RIPOR1: variants seen among roughly 807,000 people sequenced by gnomAD.
The protein encoded by RIPOR1 is rho family-interacting cell polarization regulator 1.
RIPOR1 carries 58 observed loss-of-function variants against 116.5 expected under a neutral mutation model. The observed-to-expected ratio is 0.50, with a 90% CI of 0.40 to 0.62. The LOEUF is 0.62. Among genes scored for constraint, RIPOR1 ranks in the 20% least tolerant of loss-of-function variants. The pLI is 0.00. For synonymous variants in RIPOR1, 605 were observed against 650.0 expected (o/e 0.93, Z 1.05); for missense variants, 1,372 against 1,586.2 (o/e 0.86, Z 2.29).
chr16:67,522,313 C>T lies in RIPOR1; in HGVS notation c.-24+3700C>T, dbSNP rs1443590435. 2.0e-5 allele frequency among the ~76,000 whole-genome samples: 3 copies of T among 150,698 alleles called. No individual in the cohort carries two copies. In the East Asian group the frequency reaches 5.9e-4, roughly 29 times the overall value. ...CGCCTCCCAGGTTCCAGCAATTCTC[C>T]TGCCTCAGCCTCCCGAGTAGCTGGG... On this transcript the variant is annotated intron_variant, in intron 1 of 1. Coordinates refer to the RIPOR1 transcript ENST00000562116.
At chr16:67,539,508 G>C in intron 4 of RIPOR1, 7 of 619,632 alleles carry the variant, frequency 1.1e-5, no homozygotes, top group Non-Finnish European at 1.7e-5. Flanking sequence ...TCCCAGGGAA[G>C]AGGTGGAAGG....
intron 1 of RIPOR1, among the ~76,000 whole-genome samples, chr16:67,523,323 C>T (rs960711455): frequency 1.3e-5 from 2 of 151,826 alleles, no homozygotes; most frequent in Non-Finnish European, 2.9e-5. Flanking sequence ...GTCAGGAGTT[C>T]GAGACCAGCC....
chr16:67,541,829 C>CT lies in RIPOR1; in HGVS notation c.1081-37dup. The CT allele has an allele frequency of 6.2e-7, 1 of 1,613,358 alleles. No individual in the cohort carries two copies. ...GGCCTCACCATCCCCCAGAGGCTCC[C>CT]TGGGGGTGGTTCTGAAATGCCCTCT... On this transcript the variant is annotated intron_variant, in intron 12 of 21. Coordinates refer to ENST00000042381, the MANE Select transcript of RIPOR1 (RefSeq NM_024519.4). The surrounding 1 kb of genome is among the most constrained non-coding windows in gnomAD (Gnocchi z 4.6).
rs967397231 is a variant in RIPOR1 at position 67,540,583 on chromosome 16, G to A, written c.680G>A (p.Cys227Tyr). The change falls in exon 10 of 22, where the codon TGC becomes TAC. Residue 227 changes from cysteine (C) to tyrosine (Y), a missense_variant. Cys to Tyr is a radical substitution (Grantham distance 194). Transcript: ENST00000042381. This position sits in a 1 kb window ranked among gnomAD's most constrained non-coding sequence, Gnocchi z 4.7. ...TCATCCTACCTGTTCCCCCAGATCT[G>A]CATGAAATATGGGCGTCAGCGCTGG... ...RLCVGDQYEI[C>Y]MKYGRQRWKL... 6.2e-6 allele frequency: 10 copies of A among 1,613,952 alleles called. No homozygotes were observed. Among genetic ancestry groups the A allele is most frequent in the Non-Finnish European group, 8.5e-6 (10 of 1,179,856 alleles).
In RIPOR1 at chr16:67,541,751, A is replaced by C; in HGVS notation, c.1049A>C (p.Asp350Ala). The change falls in exon 12 of 22, where the codon GAC (aspartate) becomes GCC (alanine). Residue 350 changes from aspartate to alanine, a missense_variant. By Grantham distance (126) the Asp-to-Ala change is moderately radical. Around this residue, in one of 3 missense-constraint regions of RIPOR1, gnomAD observed 1,005 missense variants for 1,144.7 expected, o/e 0.88. Transcript: ENST00000042381. This position sits in a 1 kb window ranked among gnomAD's most constrained non-coding sequence, Gnocchi z 4.6. ...RFSTYSQSPP[D>A]TPSLREQAFY... ...TCCACCTATAGCCAGAGCCCACCGGACACACCCTCACTTCGGGAACAGGCT... is the reference window on the plus strand; with the variant it reads ...TCCACCTATAGCCAGAGCCCACCGGCCACACCCTCACTTCGGGAACAGGCT... 2.5e-6 allele frequency: 4 copies of C among 1,614,026 alleles called. No individual in the cohort carries two copies. The highest frequency in any genetic ancestry group is 3.4e-6 in the Non-Finnish European group (4 of 1,179,974).
Position 67,539,534 on chromosome 16 carries a change from G to A in RIPOR1, c.337-194G>A, listed in dbSNP as rs1410261404. On this transcript the variant is annotated intron_variant, in intron 4 of 21. Coordinates refer to ENST00000042381, the MANE Select transcript of RIPOR1 (RefSeq NM_024519.4). ...AGGTGGAAGGAGGGGTCCTGGAGGGGGCTGAAGGGACCAGATCTGTGCTAC... is the reference window on the plus strand; with the variant it reads ...AGGTGGAAGGAGGGGTCCTGGAGGGAGCTGAAGGGACCAGATCTGTGCTAC... 10 of 705,818 alleles carry A rather than the reference G, an allele frequency of 1.4e-5. 1 individual carries two copies. In the South Asian group the frequency reaches 1.7e-4, roughly 12 times the overall value. The allele number at this position is 705,818 out of a possible 1,614,324, so 43.7% of individuals were successfully genotyped here. A position where few individuals can be genotyped will look rare whatever the true frequency, so the allele number is the denominator to read the frequency against.
chr16:67,529,660 C>G lies in RIPOR1; in HGVS notation c.-24+746C>G. 8.6e-7 allele frequency: 1 copy of G among 1,162,466 alleles called. No individual in the cohort carries two copies. Among genetic ancestry groups the G allele is most frequent in the South Asian group, 1.5e-5 (1 of 67,350 alleles). 72.0% of individuals were successfully genotyped at this position (1,162,466 alleles called of 1,614,324 possible). A position where few individuals can be genotyped will look rare whatever the true frequency, so the allele number is the denominator to read the frequency against. ...AGGGTGAGCCCTGAGTCCGGCCTCCCCTACAGACCCTCCCCAGCCAGTTCT... is the reference window on the plus strand; with the variant it reads ...AGGGTGAGCCCTGAGTCCGGCCTCCGCTACAGACCCTCCCCAGCCAGTTCT... On this transcript the variant is annotated intron_variant, in intron 1 of 21. Coordinates refer to ENST00000042381, the MANE Select transcript of RIPOR1 (RefSeq NM_024519.4). This position sits in a 1 kb window ranked among gnomAD's most constrained non-coding sequence, Gnocchi z 4.1.
At position 67,546,213 on chromosome 16, in the gene RIPOR1, C is replaced by A. The variant is rs572611919; in HGVS notation, c.3544C>A (p.Gln1182Lys). 1.2e-5 allele frequency: 19 copies of A among 1,614,070 alleles called. No homozygotes were observed. In the African/African-American group the frequency reaches 2.4e-4, roughly 20 times the overall value. ...DTEAVREAAR[Q>K]SLQQCGEEGQ... ...AGAAGCTGTGAGGGAAGCTGCCCGG[C>A]AAAGCCTACAGCAGTGTGGTGAGGC... The change falls in exon 21 of 22, where the codon CAA becomes AAA. Residue 1182 changes from glutamine to lysine, a missense_variant. By Grantham distance (53) the Gln-to-Lys change is moderately conservative. This residue lies in a region of RIPOR1 where 1,005 missense variants were observed against 1,144.7 expected (regional missense o/e 0.88). Coordinates refer to ENST00000042381, the MANE Select transcript of RIPOR1 (RefSeq NM_024519.4).
rs1294475160 is a variant in RIPOR1, at chr16:67,545,289, T to A, written c.3032-87T>A. 2.6e-6 allele frequency: 4 copies of A among 1,551,756 alleles called. No individual in the cohort carries two copies. Among genetic ancestry groups the A allele is most frequent in the Non-Finnish European group, 3.5e-6 (4 of 1,146,272 alleles). On this transcript the variant is annotated intron_variant, in intron 17 of 21. Coordinates refer to ENST00000042381, the MANE Select transcript of RIPOR1 (RefSeq NM_024519.4). The surrounding 1 kb of genome is among the most constrained non-coding windows in gnomAD (Gnocchi z 4.8). ...GGGTGGGGTTTGAACAGGGGGCCCCTGGACCTGAGCCTGGGATAGGAGCAT... is the reference window on the plus strand; with the variant it reads ...GGGTGGGGTTTGAACAGGGGGCCCCAGGACCTGAGCCTGGGATAGGAGCAT...
rs1005695024 is a variant in RIPOR1 at position 67,530,966 on chromosome 16, G to A, written c.-24+2052G>A. Among the ~76,000 whole-genome samples the A allele has an allele frequency of 2.0e-5, 3 of 152,182 alleles. No homozygotes were observed. The highest frequency in any genetic ancestry group is 2.9e-5 in the Non-Finnish European group (2 of 67,990). On this transcript the variant is annotated intron_variant, in intron 1 of 21. Transcript: ENST00000042381. The surrounding 1 kb of genome is among the most constrained non-coding windows in gnomAD (Gnocchi z 4.5). ...GGGCAATCTTGCCCGCCCATCTCCC[G>A]AAGCGGTCACTCAGATGGACATTAT...
intron 1 of RIPOR1, among the ~76,000 whole-genome samples, chr16:67,519,841 C>A (rs2050478466): frequency 1.3e-5 from 2 of 151,998 alleles, no homozygotes; most frequent in African/African-American, 4.8e-5. Flanking sequence ...GCAGATGGAT[C>A]ACCTGAGGTC....
intron 1 of RIPOR1, among the ~76,000 whole-genome samples, chr16:67,533,986 T>C (rs1567564133): frequency 6.7e-6 from 1 of 148,776 alleles, no homozygotes; most frequent in East Asian, 1.9e-4. Flanking sequence ...TTTTTTTTTT[T>C]TTTTTTTTTT....
rs1261868734 is a variant in RIPOR1 at position 67,541,336 on chromosome 16, ATTT to A, written c.802-92_802-90del. On this transcript the variant is annotated intron_variant, in intron 10 of 21. Coordinates refer to ENST00000042381, the MANE Select transcript of RIPOR1 (RefSeq NM_024519.4). This position sits in a 1 kb window ranked among gnomAD's most constrained non-coding sequence, Gnocchi z 4.6. ...CCTCCTGCCTCAGCCTCCCATGACC[ATTT>A]TATAAGTTCTATGCAAATTCAGACC... 6.9e-7 allele frequency: 1 copy of A among 1,442,384 alleles called. No homozygotes were observed. Among genetic ancestry groups the A allele is most frequent in the African/African-American group, 1.4e-5 (1 of 69,008 alleles). The allele number at this position is 1,442,384 out of a possible 1,614,324, so 89.3% of individuals were successfully genotyped here. A position where few individuals can be genotyped will look rare whatever the true frequency, so the allele number is the denominator to read the frequency against.
upstream of RIPOR1, among the ~76,000 whole-genome samples, chr16:67,527,720 C>CA (rs1318333045): frequency 5.3e-5 from 8 of 152,058 alleles, no homozygotes; most frequent in Non-Finnish European, 8.8e-5. Context: ...ACCAAAAATA[C>CA]AAAAAATTAG....
In RIPOR1 at chr16:67,542,399, C is replaced by A. The variant is rs200225281; in HGVS notation, c.1613C>A (p.Pro538His). Residue 538 changes from proline to histidine, a missense_variant, in exon 13 of 22, where the codon CCT (proline) becomes CAT (histidine). Around this residue, in one of 3 missense-constraint regions of RIPOR1, gnomAD observed 1,005 missense variants for 1,144.7 expected, o/e 0.88. Transcript: ENST00000042381. The surrounding 1 kb of genome is among the most constrained non-coding windows in gnomAD (Gnocchi z 4.6). The part of the protein sequence containing the change: ...DSVHKSTDSG[P>H]SELPGPTHTT... Reference sequence around the variant, plus strand: ...GTTCATAAGTCCACAGACTCTGGCCCTTCAGAACTGCCAGGCCCCACTCAC... The same window carrying A: ...GTTCATAAGTCCACAGACTCTGGCCATTCAGAACTGCCAGGCCCCACTCAC... The A allele has an allele frequency of 6.8e-6, 11 of 1,613,962 alleles. No individual in the cohort carries two copies. In the East Asian group the frequency reaches 2.5e-4, roughly 36 times the overall value.
chr16:67,537,659 T>C lies in RIPOR1; in HGVS notation c.-23-765T>C. 8.3e-7 allele frequency: 1 copy of C among 1,201,046 alleles called. No homozygotes were observed. The highest frequency in any genetic ancestry group is 1.1e-6 in the Non-Finnish European group (1 of 917,338). 74.4% of individuals were successfully genotyped at this position (1,201,046 alleles called of 1,614,324 possible). A position where few individuals can be genotyped will look rare whatever the true frequency, so the allele number is the denominator to read the frequency against. Reference sequence around the variant, plus strand: ...TGGCCCCAGGGGAAGCAGGCCGGGTTTGGGGGCCAGGAGTGTGTGTTTCGC... The same window carrying C: ...TGGCCCCAGGGGAAGCAGGCCGGGTCTGGGGGCCAGGAGTGTGTGTTTCGC... On this transcript the variant is annotated intron_variant, in intron 1 of 21. Coordinates refer to ENST00000042381, the MANE Select transcript of RIPOR1 (RefSeq NM_024519.4). The surrounding 1 kb of genome is among the most constrained non-coding windows in gnomAD (Gnocchi z 4.6).
chr16:67,537,446 G>GA lies in RIPOR1; in HGVS notation c.-23-978_-23-977insA. On this transcript the variant is annotated intron_variant, in intron 1 of 21. Transcript: ENST00000042381. This position sits in a 1 kb window ranked among gnomAD's most constrained non-coding sequence, Gnocchi z 4.6. ...AGGCGGCAGGAACTGGGCGGGGGGC[G>GA]GCGCCGGGAGGAGCCGAAGCCGAGC... is the stretch of plus-strand genomic sequence containing the variant. 1 of 1,242,478 alleles carries GA rather than the reference G, an allele frequency of 8.0e-7. No homozygotes were observed. Among genetic ancestry groups the GA allele is most frequent in the South Asian group, 3.3e-5 (1 of 30,670 alleles). 77.0% of individuals were successfully genotyped at this position (1,242,478 alleles called of 1,614,324 possible).
In RIPOR1 at chr16:67,544,207, T is replaced by C; in HGVS notation, c.2601-92T>C. The C allele has an allele frequency of 6.7e-7, 1 of 1,484,750 alleles. No individual in the cohort carries two copies. Among genetic ancestry groups the C allele is most frequent in the Non-Finnish European group, 9.1e-7 (1 of 1,100,110 alleles). 92.0% of individuals were successfully genotyped at this position (1,484,750 alleles called of 1,614,324 possible). ...TGCTGTCGGTGCATCATCTTCTTCC[T>C]TTCTGGCATGGGGGAAGCTTAATAA... On this transcript the variant is annotated intron_variant, in intron 14 of 21. Coordinates refer to ENST00000042381, the MANE Select transcript of RIPOR1 (RefSeq NM_024519.4). This position sits in a 1 kb window ranked among gnomAD's most constrained non-coding sequence, Gnocchi z 5.1.
chr16:67,544,465 G>A lies in RIPOR1; in HGVS notation c.2733+34G>A. 6.3e-7 allele frequency: 1 copy of A among 1,586,470 alleles called. No individual in the cohort carries two copies. The highest frequency in any genetic ancestry group is 8.6e-7 in the Non-Finnish European group (1 of 1,166,780). ...GATGGTGTTCCCCCACCCTTCCTTT[G>A]TAACCCCTAACCCCAGGGAGTCCTG... On this transcript the variant is annotated intron_variant, in intron 15 of 21. Coordinates refer to ENST00000042381, the MANE Select transcript of RIPOR1 (RefSeq NM_024519.4). The surrounding 1 kb of genome is among the most constrained non-coding windows in gnomAD (Gnocchi z 5.1).
Sources: gnomAD v4.1 joint callset for allele counts (sites outside exome capture counted in the v4.1 genomes callset) on GRCh38, gnomAD v4.1.1 for gene constraint, gnomAD v4.1.1 regional missense constraint, Gnocchi (gnomAD v3.1) non-coding constraint, MANE v1.5 for transcripts, NCBI Gene and HGNC (gene_info 2026-07-23, HGNC 2026-07-21) for gene names.